The following ELFN2 variants were observed in gnomAD, a reference collection of about 807,000 sequenced individuals.
ELFN2 encodes the protein extracellular leucine rich repeat and fibronectin type III domain containing 2, also known as protein phosphatase 1 regulatory subunit 29.
Under a neutral mutation model 45.5 loss-of-function variants are expected in ELFN2, and 17 were observed. The observed-to-expected ratio is 0.37, with a 90% CI of 0.26 to 0.56. The LOEUF (loss-of-function observed/expected upper bound fraction) is 0.56, where lower values mean the gene tolerates loss of function less well. Among genes scored for constraint, ELFN2 ranks in the 20% least tolerant of loss-of-function variants. ELFN2 has a pLI of 0.77. For missense variants in ELFN2, 922 were observed against 1,183.2 expected (o/e 0.78, Z 3.24); for synonymous variants, 550 against 551.5 (o/e 1.00, Z 0.04).
rs1385972055 is a variant in ELFN2 at position 37,373,811 on chromosome 22, G to T, written c.1724C>A (p.Ala575Asp). The T allele has an allele frequency of 3.1e-6, 5 of 1,612,340 alleles. No homozygotes were observed. The highest frequency in any genetic ancestry group is 4.2e-6 in the Non-Finnish European group (5 of 1,179,772). Residue 575 changes from alanine (A) to aspartate (D), a missense_variant, in exon 3 of 3, where the codon GCC (alanine) becomes GAC (aspartate). By Grantham distance (126) the Ala-to-Asp change is moderately radical (BLOSUM62 -2). This residue lies in a region of ELFN2 where 564 missense variants were observed against 642.8 expected (regional missense o/e 0.88). Transcript: ENST00000402918. ...TGCAGGGAGGGACTGGCACTCGAAG[G>T]CCAGCTCGGGGTCCCCACTGCTGCT... ...GGSSSGDPEL[A>D]FECQSLPAAA...
chr22:37,425,778 TG>T (rs1359363909), intron 1 of ELFN2, among the ~76,000 whole-genome samples: 1 of 151,912 alleles, frequency 6.6e-6, no homozygotes, highest in Non-Finnish European at 1.5e-5. Context: ...GGGACACACA[TG>T]CCCACATGCT....
Position 37,375,839 on chromosome 22 carries a change from T to TC in ELFN2, c.-306dup. On this transcript the variant is annotated 5_prime_UTR_variant, in exon 3 of 3. Coordinates refer to ENST00000402918, the MANE Select transcript of ELFN2 (RefSeq NM_052906.5). ...TTCTCAGGGCTTGACTTCCTCTCCC[T>TC]CCTCCTCCTCCTCCTCCTCCTCCTC... 2.0e-5 allele frequency: 5 copies of TC among 252,584 alleles called. No homozygotes were observed. The highest frequency in any genetic ancestry group is 3.0e-5 in the Non-Finnish European group (4 of 133,966). The allele number at this position is 252,584 out of a possible 1,614,324, so 15.6% of individuals were successfully genotyped here. A position where few individuals can be genotyped will look rare whatever the true frequency, so the allele number is the denominator to read the frequency against.
At chr22:37,346,808 C>A (rs1332442513) in intron 1 of ELFN2, among the ~76,000 whole-genome samples, 1 of 152,038 alleles carries the variant, frequency 6.6e-6, no homozygotes, top group Non-Finnish European at 1.5e-5. Context: ...GCAGACTGTA[C>A]ACACCAAGAC....
Position 37,375,101 on chromosome 22 carries a change from G to A in ELFN2, c.434C>T (p.Thr145Ile), listed in dbSNP as rs745949408. ...QHNLIEVVTP[T>I]AFSECPSLIS... ...GAGGCTCGGGCACTCGGAGAAGGCG[G>A]TGGGCGTCACCACCTCGATGAGGTT... Residue 145 changes from threonine to isoleucine, a missense_variant, in exon 3 of 3, where the codon ACC becomes ATC. This residue lies in a region of ELFN2 where 358 missense variants were observed against 540.4 expected (regional missense o/e 0.66). Transcript: ENST00000402918. The A allele has an allele frequency of 6.2e-6, 10 of 1,613,634 alleles. No homozygotes were observed. The South Asian group carries it at 1.1e-4, about 18-fold the overall frequency.
At chr22:37,400,570 C>G (rs1932336829) in intron 2 of ELFN2, among the ~76,000 whole-genome samples, 1 of 152,224 alleles carries the variant, frequency 6.6e-6, no homozygotes, top group African/African-American at 2.4e-5. Context: ...AGATGGGAGC[C>G]TGAGGCCTGC....
intron 2 of ELFN2, among the ~76,000 whole-genome samples, chr22:37,412,131 G>A (rs1286275394): frequency 1.3e-5 from 2 of 151,982 alleles, no homozygotes; most frequent in South Asian, 2.1e-4. Flanking sequence ...TATCACTTGA[G>A]GTCAGGAGTT....
Position 37,424,703 on chromosome 22 carries a change from T to C in ELFN2, c.-614+2595A>G, listed in dbSNP as rs546065185. ...GGCGGGGGGGGGGATGGAATTCACA[T>C]TAAATCAACAGACAGCTTATTCCAG... On this transcript the variant is annotated intron_variant, in intron 1 of 2. Coordinates refer to ENST00000402918, the MANE Select transcript of ELFN2 (RefSeq NM_052906.5). 1.1e-4 allele frequency among the ~76,000 whole-genome samples: 17 copies of C among 151,908 alleles called. No individual in the cohort carries two copies. In the East Asian group the frequency reaches 3.3e-3, roughly 29 times the overall value.
chr22:37,418,208 G>A (rs1007332679), intron 1 of ELFN2, among the ~76,000 whole-genome samples: 3 of 152,026 alleles, frequency 2.0e-5, no homozygotes, highest in Non-Finnish European at 4.4e-5. Context: ...GATGCAGAGA[G>A]AGATGGAGGC....
rs1175938228 is a variant in ELFN2 at position 37,373,087 on chromosome 22, G to T, written c.2448C>A (p.Ala816=). The T allele has an allele frequency of 6.3e-7, 1 of 1,597,358 alleles. No individual in the cohort carries two copies. The change falls in exon 3 of 3, where the codon GCC becomes GCA. Residue 816 remains alanine, a synonymous_variant. Transcript: ENST00000402918. ...AAGGGGGGGGTCACAGCTTCTGCTG[G>T]GCGGAGACCCCCTTCCAGTAATCAA... ...DILDYWKGVS[A]QQKL
At position 37,350,688 on chromosome 22, in the gene ELFN2, G is replaced by T. The variant is rs115005983; in HGVS notation, n.149-7985C>A. 7.3e-3 allele frequency among the ~76,000 whole-genome samples: 1,101 copies of T among 150,748 alleles called. 29 individuals carry two copies. The highest frequency in any genetic ancestry group is 0.025 in the African/African-American group (1,055 of 41,408). On this transcript the variant is annotated intron_variant and non_coding_transcript_variant, in intron 1 of 2. Transcript: ENST00000452946. Reference sequence around the variant, plus strand: ...ATTACTCCCATCAGCACCCCAGGGTGGGGGCGGCAGCTCTGGCAGAATTGT... The same window carrying T: ...ATTACTCCCATCAGCACCCCAGGGTTGGGGCGGCAGCTCTGGCAGAATTGT...
intron 2 of ELFN2, among the ~76,000 whole-genome samples, chr22:37,411,274 G>A (rs1445295555): frequency 1.3e-5 from 2 of 152,208 alleles, no homozygotes; most frequent in Non-Finnish European, 2.9e-5. Flanking sequence ...ACCAAGCCAA[G>A]GAGTGTCTAG....
intron 1 of ELFN2, chr22:37,352,331 C>G (rs1343600263): frequency 2.6e-5 from 4 of 151,078 alleles, no homozygotes; most frequent in African/African-American, 9.7e-5. Flanking sequence ...ACTCCAGCAG[C>G]CTTTGGGGAA....
At position 37,369,942 on chromosome 22, in the gene ELFN2, T is replaced by A. The variant is rs1183406504; in HGVS notation, c.*3130A>T. ...CATCATCACAAACCCAGACCTTGGA[T>A]GGCAACATTTTGTGAATACTTCCCT... On this transcript the variant is annotated 3_prime_UTR_variant, in exon 3 of 3. Coordinates refer to ENST00000402918, the MANE Select transcript of ELFN2 (RefSeq NM_052906.5). 1 of 152,310 alleles carries A rather than the reference T, an allele frequency of 6.6e-6. No individual in the cohort carries two copies. Among genetic ancestry groups the A allele is most frequent in the East Asian group, 1.9e-4 (1 of 5,168 alleles). 9.4% of individuals were successfully genotyped at this position (152,310 alleles called of 1,614,324 possible).
chr22:37,373,666 G>T lies in ELFN2; in HGVS notation c.1869C>A (p.Ala623=), dbSNP rs780517698. The T allele has an allele frequency of 6.4e-7, 1 of 1,573,696 alleles. No homozygotes were observed. The highest frequency in any genetic ancestry group is 8.6e-7 in the Non-Finnish European group (1 of 1,161,970). Residue 623 remains alanine, a synonymous_variant, in exon 3 of 3, where the codon GCC becomes GCA. Coordinates refer to ENST00000402918, the MANE Select transcript of ELFN2 (RefSeq NM_052906.5). ...ACACGCTGCAGGTCTTGCGGGTCACGGCCGCGTCGGCGCTCAGCTGGCGCT... is the reference window on the plus strand; with the variant it reads ...ACACGCTGCAGGTCTTGCGGGTCACTGCCGCGTCGGCGCTCAGCTGGCGCT... The part of the protein sequence containing the change: ...PLQRQLSADA[A]VTRKTCSVSS...
At chr22:37,378,799 G>A (rs543147627) in intron 2 of ELFN2, among the ~76,000 whole-genome samples, 4 of 152,252 alleles carry the variant, frequency 2.6e-5, no homozygotes, top group East Asian at 1.9e-4. Flanking sequence ...GAGACCTGAC[G>A]CGGCCAGGGA....
rs930436214 is a variant in ELFN2 at position 37,371,431 on chromosome 22, G to C, written c.*1641C>G. On this transcript the variant is annotated 3_prime_UTR_variant, in exon 3 of 3. Coordinates refer to ENST00000402918, the MANE Select transcript of ELFN2 (RefSeq NM_052906.5). This position sits in a 1 kb window ranked among gnomAD's most constrained non-coding sequence, Gnocchi z 6.4. The stretch of plus-strand genomic sequence containing the variant: ...TGGCAGCCAAGCGACATGTTGCTAG[G>C]CGGGCAAAGCTGCTAGTAGAGGCGT... The C allele has an allele frequency of 3.3e-5, 5 of 152,332 alleles. No homozygotes were observed. Among genetic ancestry groups the C allele is most frequent in the African/African-American group, 1.2e-4 (5 of 41,466 alleles). The allele number at this position is 152,332 out of a possible 1,614,324, so 9.4% of individuals were successfully genotyped here. A position where few individuals can be genotyped will look rare whatever the true frequency, so the allele number is the denominator to read the frequency against.
rs1022934963 is a variant in ELFN2 at position 37,406,758 on chromosome 22, C to T, written c.-463+11011G>A. Among the ~76,000 whole-genome samples the T allele has an allele frequency of 3.3e-5, 5 of 152,270 alleles. No individual in the cohort carries two copies. In the East Asian group the frequency reaches 7.7e-4, roughly 23 times the overall value. ...AAGCTGGTCCCTGGGAATGACACCC[C>T]TTTCCCCTAAAGCCTGAGAGCCCAG... On this transcript the variant is annotated intron_variant, in intron 2 of 2. Coordinates refer to ENST00000402918, the MANE Select transcript of ELFN2 (RefSeq NM_052906.5).
chr22:37,380,183 G>C (rs1283746920), intron 2 of ELFN2, among the ~76,000 whole-genome samples: 2 of 152,252 alleles, frequency 1.3e-5, no homozygotes, highest in African/African-American at 2.4e-5. Context: ...CGGCGTGTGG[G>C]AGGGGTTGAG....
intron 2 of ELFN2, among the ~76,000 whole-genome samples, chr22:37,376,541 T>G (rs1405348151): frequency 6.6e-6 from 1 of 152,234 alleles, no homozygotes; most frequent in African/African-American, 2.4e-5. Flanking sequence ...CTTTCCTCCA[T>G]GCCCAAAGAT....
Sources: gnomAD v4.1 joint callset for allele counts (sites outside exome capture counted in the v4.1 genomes callset) on GRCh38, gnomAD v4.1.1 for gene constraint, gnomAD v4.1.1 regional missense constraint, Gnocchi (gnomAD v3.1) non-coding constraint, MANE v1.5 for transcripts, NCBI Gene and HGNC (gene_info 2026-07-23, HGNC 2026-07-21) for gene names.